CAMKMT: variants seen among roughly 807,000 people sequenced by gnomAD.
The protein encoded by CAMKMT is CaM KMT.
CAMKMT carries 53 observed loss-of-function variants against 48.0 expected under a neutral mutation model. The ratio of observed to expected loss-of-function variants is 1.10; its 90% confidence interval spans 0.89 to 1.39. The LOEUF is 1.39. Among genes scored for constraint, CAMKMT ranks in the 40% most tolerant of loss-of-function variants. CAMKMT has a pLI of 0.00. For missense variants in CAMKMT, 428 were observed against 402.7 expected (o/e 1.06, Z -0.54); for synonymous variants, 165 against 152.3 (o/e 1.08, Z -0.61).
intron 3 of CAMKMT, among the ~76,000 whole-genome samples, chr2:44,670,182 T>C (rs1675246092): frequency 6.6e-6 from 1 of 152,264 alleles, no homozygotes; most frequent in East Asian, 1.9e-4. Context: ...ACTGTTGTTA[T>C]GGTGCCTTAA....
intron 2 of CAMKMT, among the ~76,000 whole-genome samples, chr2:44,373,914 AG>A (rs1436753057): frequency 6.6e-6 from 1 of 151,868 alleles, no homozygotes; most frequent in Non-Finnish European, 1.5e-5. Flanking sequence ...ACTTGACCCT[AG>A]GAGTTCAAGA....
intron 10 of CAMKMT, among the ~76,000 whole-genome samples, chr2:44,770,548 C>G (rs1389705312): frequency 6.6e-6 from 1 of 152,154 alleles, no homozygotes; most frequent in East Asian, 1.9e-4. Context: ...ATCAACTTTC[C>G]CTTATCCCCA....
At chr2:44,686,407 AC>A (rs1311034053) in intron 3 of CAMKMT, among the ~76,000 whole-genome samples, 5 of 150,208 alleles carry the variant, frequency 3.3e-5, no homozygotes, top group South Asian at 2.1e-4. Flanking sequence ...AAAAAAAAAA[AC>A]AAAACAAAAA....
At chr2:44,529,168 A>G (rs186517366) in intron 3 of CAMKMT, among the ~76,000 whole-genome samples, 2 of 152,232 alleles carry the variant, frequency 1.3e-5, no homozygotes, top group African/African-American at 4.8e-5. Context: ...GCATCCTCCA[A>G]AGGAGACCAA....
chr2:44,684,923 G>C (rs182302814), intron 3 of CAMKMT, among the ~76,000 whole-genome samples: 6 of 152,268 alleles, frequency 3.9e-5, no homozygotes, highest in Admixed American at 3.3e-4. Flanking sequence ...ATCAGGTCTG[G>C]AGTAGAGAGA....
chr2:44,770,543 C>A (rs527428636), intron 10 of CAMKMT, among the ~76,000 whole-genome samples: 62 of 152,354 alleles, frequency 4.1e-4, no homozygotes, highest in African/African-American at 1.4e-3. Flanking sequence ...GAGTAATCAA[C>A]TTTCCCTTAT....
chr2:44,427,930 G>C (rs542161542), intron 3 of CAMKMT, among the ~76,000 whole-genome samples: 1 of 152,222 alleles, frequency 6.6e-6, no homozygotes. Context: ...ATACAGGTGA[G>C]GGGGTGCAGT....
Position 44,438,679 on chromosome 2 carries a change from AG to A in CAMKMT, c.376+48376del, listed in dbSNP as rs370173352. Reference sequence around the variant, plus strand: ...TATACTTTTTGACACTGAACTACTCAGGTGTGTGTTTTTTGTTTGTTTGTTT... The same window carrying A: ...TATACTTTTTGACACTGAACTACTCAGTGTGTGTTTTTTGTTTGTTTGTTT... On this transcript the variant is annotated intron_variant, in intron 3 of 10. Coordinates refer to ENST00000378494, the MANE Select transcript of CAMKMT (RefSeq NM_024766.5). 1.4e-4 allele frequency among the ~76,000 whole-genome samples: 22 copies of A among 152,154 alleles called. No homozygotes were observed. In the East Asian group the frequency reaches 4.3e-3, roughly 29 times the overall value.
At chr2:44,646,678 A>G (rs1024237611) in intron 3 of CAMKMT, among the ~76,000 whole-genome samples, 1 of 152,162 alleles carries the variant, frequency 6.6e-6, no homozygotes, top group Admixed American at 6.5e-5. Flanking sequence ...CCCCAAAACC[A>G]TGAATCTCAA....
intron 7 of CAMKMT, among the ~76,000 whole-genome samples, chr2:44,726,678 C>G (rs1678805345): frequency 6.6e-6 from 1 of 152,126 alleles, no homozygotes; most frequent in African/African-American, 2.4e-5. Context: ...GAGACTTAGC[C>G]AAAAATTATT....
intron 3 of CAMKMT, among the ~76,000 whole-genome samples, chr2:44,629,131 A>G (rs959390604): frequency 7.9e-5 from 12 of 152,096 alleles, no homozygotes; most frequent in African/African-American, 2.4e-4. Context: ...CTCCTATATA[A>G]TATATACGTA....
chr2:44,560,469 GC>G (rs1668263557), intron 3 of CAMKMT, among the ~76,000 whole-genome samples: 1 of 151,882 alleles, frequency 6.6e-6, no homozygotes, highest in Admixed American at 6.6e-5. Context: ...ACAGTGTCTT[GC>G]TATATTGCCC....
chr2:44,467,271 C>T (rs1668168823), intron 3 of CAMKMT, among the ~76,000 whole-genome samples: 1 of 152,104 alleles, frequency 6.6e-6, no homozygotes. Context: ...GTGGCTCACG[C>T]CTGTAATCCC....
chr2:44,383,384 C>A lies in CAMKMT; in HGVS notation c.312-6857C>A, dbSNP rs143964496. ...TTCACCATACTGGCCAAGCTGGTCTCAAACTCCTGATCTTGTGATCCGCCT... is the reference window on the plus strand; with the variant it reads ...TTCACCATACTGGCCAAGCTGGTCTAAAACTCCTGATCTTGTGATCCGCCT... On this transcript the variant is annotated intron_variant, in intron 2 of 10. Coordinates refer to ENST00000378494, the MANE Select transcript of CAMKMT (RefSeq NM_024766.5). Among the ~76,000 whole-genome samples the A allele has an allele frequency of 7.1e-3, 1,086 of 152,214 alleles. 11 individuals are homozygous for A. Among genetic ancestry groups the A allele is most frequent in the African/African-American group, 0.025 (1,036 of 41,534 alleles).
At chr2:44,708,934 C>T (rs530527906) in intron 6 of CAMKMT, among the ~76,000 whole-genome samples, 1 of 151,952 alleles carries the variant, frequency 6.6e-6, no homozygotes, top group African/African-American at 2.4e-5. Context: ...TATTTAATAG[C>T]GTCAGAAACC....
chr2:44,402,653 TTC>T (rs1215539823), intron 3 of CAMKMT, among the ~76,000 whole-genome samples: 1 of 151,620 alleles, frequency 6.6e-6, no homozygotes, highest in Non-Finnish European at 1.5e-5. Context: ...TCCATCTGTT[TTC>T]TCTGTTTCTT....
intron 3 of CAMKMT, chr2:44,550,763 G>A (rs954172328): frequency 3.3e-5 from 5 of 152,128 alleles, no homozygotes; most frequent in African/African-American, 1.2e-4. Context: ...AAGTTGTTTT[G>A]TAATGATTAA....
chr2:44,711,218 T>C (rs995466758), intron 6 of CAMKMT, among the ~76,000 whole-genome samples: 10 of 152,168 alleles, frequency 6.6e-5, no homozygotes, highest in African/African-American at 1.7e-4. Flanking sequence ...AAGTAAACTA[T>C]ATGTGCCTCA....
Position 44,436,268 on chromosome 2 carries a change from G to A in CAMKMT, c.376+45963G>A, listed in dbSNP as rs529259841. 1.0e-3 allele frequency among the ~76,000 whole-genome samples: 156 copies of A among 152,194 alleles called. 1 individual carries two copies. The highest frequency in any genetic ancestry group is 3.6e-3 in the African/African-American group (149 of 41,546). On this transcript the variant is annotated intron_variant, in intron 3 of 10. Transcript: ENST00000378494. ...TTTTTTTGTATTTTTAGTAGAGACA[G>A]GGTTTCACCATGTTGGCCAGGCTGG...
Sources: gnomAD v4.1 joint callset for allele counts (sites outside exome capture counted in the v4.1 genomes callset) on GRCh38, gnomAD v4.1.1 for gene constraint, MANE v1.5 for transcripts, NCBI Gene and HGNC (gene_info 2026-07-23, HGNC 2026-07-21) for gene names.